Variants in MLXIP observed in about 807,000 individuals in gnomAD.
MLXIP encodes MLX interacting protein.
In MLXIP, 30 loss-of-function variants were observed where a neutral mutation model predicts 87.2. The ratio of observed to expected loss-of-function variants is 0.34; its 90% CI spans 0.26 to 0.47. MLXIP has a LOEUF of 0.47. Ranked by LOEUF, MLXIP falls within the 20% of genes least tolerant of loss-of-function variation. The pLI, the probability that MLXIP is intolerant of heterozygous loss-of-function variation, is 1.00. For synonymous variants in MLXIP, 530 were observed against 514.0 expected (o/e 1.03, Z -0.42); for missense variants, 1,002 against 1,240.1 (o/e 0.81, Z 2.88).
In MLXIP at chr12:122,147,183, T is replaced by A. The variant is rs978884048; in HGVS notation, c.*5371T>A. The A allele has an allele frequency of 2.6e-5, 4 of 152,162 alleles. No homozygotes were observed. The highest frequency in any genetic ancestry group is 9.7e-5 in the African/African-American group (4 of 41,442). The allele number at this position is 152,162 out of a possible 1,614,324, so 9.4% of individuals were successfully genotyped here. On this transcript the variant is annotated 3_prime_UTR_variant, in exon 17 of 17. Transcript: ENST00000319080. The stretch of plus-strand genomic sequence containing the variant: ...AAGAACAAACCAGAGAAGAGTCTGG[T>A]TTGGCCAGAGGCCCCCTCCGGTCCA...
In MLXIP at chr12:122,133,442, A is replaced by C; in HGVS notation, c.1187A>C (p.Glu396Ala). ...GCCCCATCCCTGGCTCACATGGATGAGCAGGGCTGTGAACACACCTCCCGG... is the reference window on the plus strand; with the variant it reads ...GCCCCATCCCTGGCTCACATGGATGCGCAGGGCTGTGAACACACCTCCCGG... ...PTAPSLAHMDEQGCEHTSRTE... is the reference protein window; with the variant it reads ...PTAPSLAHMDAQGCEHTSRTE... Residue 396 changes from glutamate to alanine, a missense_variant, in exon 9 of 17, where the codon GAG becomes GCG. Glu to Ala is a moderately radical substitution (Grantham distance 107). Transcript: ENST00000319080. The surrounding 1 kb of genome is among the most constrained non-coding windows in gnomAD (Gnocchi z 4.9). The C allele has an allele frequency of 6.2e-7, 1 of 1,612,286 alleles. No individual in the cohort carries two copies. Among genetic ancestry groups the C allele is most frequent in the Non-Finnish European group, 8.5e-7 (1 of 1,179,410 alleles).
At position 122,079,023 on chromosome 12, in the gene MLXIP, C is replaced by G. The variant is rs1242848151; in HGVS notation, c.170C>G (p.Ala57Gly). The change falls in exon 1 of 17, where the codon GCG (alanine) becomes GGG (glycine). Residue 57 changes from alanine to glycine, a missense_variant. By Grantham distance (60) the Ala-to-Gly change is moderately conservative (BLOSUM62 0). This residue lies in a region of MLXIP where 129 missense variants were observed against 104.2 expected (regional missense o/e 1.24). Transcript: ENST00000319080. Reference sequence around the variant, plus strand: ...CCGGCCCGGGCCCACGCGAGCGCCGCGCCACCGCCGCCTCGGGCCGGGCCG... The same window carrying G: ...CCGGCCCGGGCCCACGCGAGCGCCGGGCCACCGCCGCCTCGGGCCGGGCCG... ...ATPARAHASA[A>G]PPPPRAGPGR... 2.3e-6 allele frequency: 3 copies of G among 1,332,150 alleles called. No individual in the cohort carries two copies. Among genetic ancestry groups the G allele is most frequent in the East Asian group, 7.1e-5 (2 of 28,168 alleles). The allele number at this position is 1,332,150 out of a possible 1,614,324, so 82.5% of individuals were successfully genotyped here. A position where few individuals can be genotyped will look rare whatever the true frequency, so the allele number is the denominator to read the frequency against.
chr12:122,133,602 G>A lies in MLXIP; in HGVS notation c.1347G>A (p.Val449=). 6.2e-7 allele frequency: 1 copy of A among 1,608,846 alleles called. No individual in the cohort carries two copies. The highest frequency in any genetic ancestry group is 1.1e-5 in the South Asian group (1 of 90,298). ...PSPAPPPISP[V]LPLVPPPATA... is the part of the protein sequence containing the mutation. ...CCGCCCCACCGCCCATCTCCCCCGTGTTACCATTAGTTCCTCCTCCTGCCA... is the reference window on the plus strand; with the variant it reads ...CCGCCCCACCGCCCATCTCCCCCGTATTACCATTAGTTCCTCCTCCTGCCA... The change falls in exon 9 of 17, where the codon GTG becomes GTA. Residue 449 remains valine (V), a synonymous_variant. Transcript: ENST00000319080. The surrounding 1 kb of genome is among the most constrained non-coding windows in gnomAD (Gnocchi z 4.9).
chr12:122,093,452 G>T (rs1035772202), intron 1 of MLXIP, among the ~76,000 whole-genome samples: 1 of 145,992 alleles, frequency 6.8e-6, no homozygotes, highest in Non-Finnish European at 1.5e-5. Flanking sequence ...GTATGTGTGG[G>T]GTGTGTGTAT....
At chr12:122,107,178 A>C (rs1326948709) in intron 1 of MLXIP, among the ~76,000 whole-genome samples, 1 of 152,174 alleles carries the variant, frequency 6.6e-6, no homozygotes. Context: ...GCAGGCAGTC[A>C]TCAGGCCCTT....
At chr12:122,140,560 C>T (rs900638809) in intron 15 of MLXIP, among the ~76,000 whole-genome samples, 2 of 152,182 alleles carry the variant, frequency 1.3e-5, no homozygotes, top group South Asian at 4.1e-4. Flanking sequence ...CCCCAAAGTG[C>T]TGGGATTATA....
chr12:122,094,209 A>C (rs1453870669), intron 1 of MLXIP, among the ~76,000 whole-genome samples: 1 of 56,608 alleles, frequency 1.8e-5, no homozygotes, highest in African/African-American at 7.0e-5. Context: ...TGGTGTGTGG[A>C]GTGTGTGGGT....
chr12:122,139,054 T>C (rs1953149403), intron 15 of MLXIP, 116 bp downstream of exon 15: 3 of 1,458,124 alleles, frequency 2.1e-6, no homozygotes, highest in African/African-American at 2.8e-5. Context: ...ACCAAGCTCC[T>C]CACGACAGGC....
chr12:122,082,671 A>G (rs1317393379), intron 1 of MLXIP, among the ~76,000 whole-genome samples: 1 of 152,232 alleles, frequency 6.6e-6, no homozygotes, highest in Non-Finnish European at 1.5e-5. Flanking sequence ...GAGCTTTCAA[A>G]TGCCTGCTTG....
chr12:122,101,999 T>C (rs1313213058), intron 1 of MLXIP, among the ~76,000 whole-genome samples: 1 of 152,246 alleles, frequency 6.6e-6, no homozygotes, highest in African/African-American at 2.4e-5. Flanking sequence ...CTTTGATGAC[T>C]ATCCTTGTTT....
intron 5 of MLXIP, 103 bp from the exon 6 acceptor site, chr12:122,129,838 A>C: frequency 6.9e-7 from 1 of 1,455,058 alleles, no homozygotes; most frequent in Non-Finnish European, 9.3e-7. Flanking sequence ...CCTCACTTCC[A>C]CTGAGCACCC....
At chr12:122,140,359 C>G (rs1339902088) in intron 15 of MLXIP, among the ~76,000 whole-genome samples, 1 of 152,100 alleles carries the variant, frequency 6.6e-6, no homozygotes, top group East Asian at 1.9e-4. Context: ...TGCAGTGGTG[C>G]AATCTCGGCT....
Position 122,132,582 on chromosome 12 carries a change from G to A in MLXIP, c.1092+199G>A, listed in dbSNP as rs370594121. ...GCATCCTTCAGCACCCATGGGGTGG[G>A]AGACTCTTGGTCCAGGTGTGCTTCT... On this transcript the variant is annotated intron_variant, in intron 8 of 16. Transcript: ENST00000319080. The A allele has an allele frequency of 3.0e-5, 17 of 568,490 alleles. No homozygotes were observed. The East Asian group carries it at 3.3e-4, about 11-fold the overall frequency. 35.2% of individuals were successfully genotyped at this position (568,490 alleles called of 1,614,324 possible). A position where few individuals can be genotyped will look rare whatever the true frequency, so the allele number is the denominator to read the frequency against.
At chr12:122,139,581 G>A (rs1055634420) in intron 15 of MLXIP, among the ~76,000 whole-genome samples, 15 of 152,208 alleles carry the variant, frequency 9.9e-5, no homozygotes, top group Admixed American at 5.2e-4. Flanking sequence ...CAGAGGTGAC[G>A]GTCGTGCAGG....
chr12:122,137,356 TGCAATACGTG>T lies in MLXIP; in HGVS notation c.2033-110_2033-101del. The stretch of plus-strand genomic sequence containing the variant: ...TGTGTGTGCAGTTGAAAGAACCAAG[TGCAATACGTG>T]GCTAGCAGCGAGCACCTCATAACCC... On this transcript the variant is annotated intron_variant, in intron 11 of 16. Coordinates refer to ENST00000319080, the MANE Select transcript of MLXIP (RefSeq NM_014938.6). This position sits in a 1 kb window ranked among gnomAD's most constrained non-coding sequence, Gnocchi z 4.1. 8.6e-7 allele frequency: 1 copy of T among 1,166,316 alleles called. No homozygotes were observed. The highest frequency in any genetic ancestry group is 1.2e-6 in the Non-Finnish European group (1 of 849,312). 72.2% of individuals were successfully genotyped at this position (1,166,316 alleles called of 1,614,324 possible).
chr12:122,145,327 C>T lies in MLXIP; in HGVS notation c.*3515C>T, dbSNP rs1206527497. 6.6e-6 allele frequency: 1 copy of T among 152,330 alleles called. No individual in the cohort carries two copies. Among genetic ancestry groups the T allele is most frequent in the African/African-American group, 2.4e-5 (1 of 41,454 alleles). 9.4% of individuals were successfully genotyped at this position (152,330 alleles called of 1,614,324 possible). On this transcript the variant is annotated 3_prime_UTR_variant, in exon 17 of 17. Transcript: ENST00000319080. Reference sequence around the variant, plus strand: ...TCAGCCAGCCCTCCCATTTCCCGCCCATGGGCCCTGACCACACTCCCTTTT... The same window carrying T: ...TCAGCCAGCCCTCCCATTTCCCGCCTATGGGCCCTGACCACACTCCCTTTT...
In MLXIP at chr12:122,141,936, C is replaced by T; in HGVS notation, c.*124C>T. 2.1e-6 allele frequency: 3 copies of T among 1,446,716 alleles called. No individual in the cohort carries two copies. The highest frequency in any genetic ancestry group is 2.8e-6 in the Non-Finnish European group (3 of 1,076,244). The allele number at this position is 1,446,716 out of a possible 1,614,324, so 89.6% of individuals were successfully genotyped here. On this transcript the variant is annotated 3_prime_UTR_variant, in exon 17 of 17. Transcript: ENST00000319080. The stretch of plus-strand genomic sequence containing the variant: ...GGGGCCTCTCTCCAACTCTGCCGGC[C>T]CACCGTGGCATCGGGAGGCCATGCT...
intron 1 of MLXIP, among the ~76,000 whole-genome samples, chr12:122,120,397 AT>A (rs763796360): frequency 6.6e-6 from 1 of 151,750 alleles, no homozygotes; most frequent in Admixed American, 6.6e-5. Flanking sequence ...TGATTTTCTG[AT>A]TTTTTGTGGA....
chr12:122,087,193 C>T (rs1034677378), intron 1 of MLXIP, among the ~76,000 whole-genome samples: 3 of 152,170 alleles, frequency 2.0e-5, no homozygotes, highest in Non-Finnish European at 2.9e-5. Flanking sequence ...AATGCTTTTT[C>T]CCTCCAGAAG....
Sources: allele counts gnomAD v4.1 joint callset (sites outside exome capture counted in the v4.1 genomes callset), GRCh38; gene constraint gnomAD v4.1.1; regional missense constraint gnomAD v4.1.1; non-coding constraint Gnocchi (gnomAD v3.1); transcripts MANE v1.5; gene names NCBI Gene and HGNC (gene_info 2026-07-23, HGNC 2026-07-21).